Variants in ITIH5 observed in about 807,000 individuals in gnomAD.
The protein encoded by ITIH5 is inter-alpha-trypsin inhibitor heavy chain H5.
A neutral mutation model predicts 77.5 loss-of-function variants in ITIH5; 65 were observed. The observed-to-expected ratio is 0.84, with a 90% CI of 0.69 to 1.03. The LOEUF (loss-of-function observed/expected upper bound fraction) is 1.03. ITIH5 is among the 50% of genes least tolerant of loss of function. The pLI, the probability that ITIH5 is intolerant of heterozygous loss-of-function variation, is 0.00. For missense variants in ITIH5, 1,208 were observed against 1,213.1 expected (o/e 1.00, Z 0.06); for synonymous variants, 525 against 494.3 (o/e 1.06, Z -0.82).
At position 7,585,030 on chromosome 10, in the gene ITIH5, T is replaced by C. The variant is rs145739465; in HGVS notation, c.1108+871A>G. Reference sequence around the variant, plus strand: ...TGGGAAACCATGAATATAAGAAAGATGGAAAATCCCAGATGGGAGAAGACT... The same window carrying C: ...TGGGAAACCATGAATATAAGAAAGACGGAAAATCCCAGATGGGAGAAGACT... On this transcript the variant is annotated intron_variant, in intron 8 of 13. Coordinates refer to ENST00000397146, the MANE Select transcript of ITIH5 (RefSeq NM_030569.7). 2.0e-3 allele frequency among the ~76,000 whole-genome samples: 307 copies of C among 152,244 alleles called. 2 individuals carry two copies. Among genetic ancestry groups the C allele is most frequent in the Non-Finnish European group, 3.3e-3 (226 of 68,012 alleles).
intron 5 of ITIH5, among the ~76,000 whole-genome samples, chr10:7,629,230 C>T (rs377628914): frequency 0.01 from 350 of 34,584 alleles, no homozygotes; most frequent in Middle Eastern, 0.028. Flanking sequence ...GTAGCGTGTG[C>T]CCATGTTGTA....
At chr10:7,658,718 G>T (rs1409509465) in intron 1 of ITIH5, among the ~76,000 whole-genome samples, 1 of 152,180 alleles carries the variant, frequency 6.6e-6, no homozygotes, top group Non-Finnish European at 1.5e-5. Context: ...ATTGGCAACT[G>T]GTTGAAAGAG....
intron 11 of ITIH5, among the ~76,000 whole-genome samples, chr10:7,570,712 T>C (rs964601184): frequency 3.9e-5 from 6 of 152,170 alleles, no homozygotes; most frequent in African/African-American, 1.4e-4. Flanking sequence ...AGCCTCAAAC[T>C]CCTGGGCTCA....
intron 12 of ITIH5, among the ~76,000 whole-genome samples, chr10:7,567,319 T>TTATTA: frequency 7.2e-6 from 1 of 139,492 alleles, no homozygotes; most frequent in East Asian, 2.1e-4. Context: ...TCGGACATCT[T>TTATTA]TTATTATTAT....
Position 7,630,530 on chromosome 10 carries a change from G to A in ITIH5, c.652+6698C>T, listed in dbSNP as rs115762342. On this transcript the variant is annotated intron_variant, in intron 5 of 13. Coordinates refer to ENST00000397146, the MANE Select transcript of ITIH5 (RefSeq NM_030569.7). ...TGTTCCATTATAGCCATCCTAGGGTGTGAGAAGTGGTTTTGGTTTGCATTT... is the reference window on the plus strand; with the variant it reads ...TGTTCCATTATAGCCATCCTAGGGTATGAGAAGTGGTTTTGGTTTGCATTT... 2.1e-3 allele frequency among the ~76,000 whole-genome samples: 314 copies of A among 152,330 alleles called. 1 individual carries two copies. Among genetic ancestry groups the A allele is most frequent in the African/African-American group, 7.3e-3 (305 of 41,564 alleles).
Position 7,569,835 on chromosome 10 carries a change from C to T in ITIH5, c.2033-51G>A, listed in dbSNP as rs766023739. ...GAAAAAGAAAGACACTTATTCAGTACCTTCCTTGTGTAGGTGCTACTCTCT... is the reference window on the plus strand; with the variant it reads ...GAAAAAGAAAGACACTTATTCAGTATCTTCCTTGTGTAGGTGCTACTCTCT... On this transcript the variant is annotated intron_variant, in intron 11 of 13. Coordinates refer to ENST00000397146, the MANE Select transcript of ITIH5 (RefSeq NM_030569.7). 6.4e-6 allele frequency: 7 copies of T among 1,092,406 alleles called. No individual in the cohort carries two copies. In the Admixed American group the frequency reaches 1.2e-4, roughly 19 times the overall value. 67.7% of individuals were successfully genotyped at this position (1,092,406 alleles called of 1,614,324 possible).
chr10:7,629,196 CCTGTTGT>C, intron 5 of ITIH5, among the ~76,000 whole-genome samples: 1 of 133,232 alleles, frequency 7.5e-6, no homozygotes, highest in Non-Finnish European at 1.7e-5. Flanking sequence ...CACATGTGTC[CCTGTTGT>C]AGCGTGTGTC....
At chr10:7,579,268 A>G (rs773753194) in intron 9 of ITIH5, among the ~76,000 whole-genome samples, 2 of 152,210 alleles carry the variant, frequency 1.3e-5, no homozygotes, top group Non-Finnish European at 2.9e-5. Flanking sequence ...GCTCACGCCC[A>G]TAATCCCAGT....
intron 7 of ITIH5, among the ~76,000 whole-genome samples, chr10:7,613,553 AGAG>A (rs1389019159): frequency 6.6e-6 from 1 of 152,250 alleles, no homozygotes; most frequent in Non-Finnish European, 1.5e-5. Flanking sequence ...AAAACATCAC[AGAG>A]GAGATTTGAA....
rs1377527443 is a variant in ITIH5, at chr10:7,640,798, A to T, written c.357T>A (p.Gly119=). 1 of 1,613,300 alleles carries T rather than the reference A, an allele frequency of 6.2e-7. No individual in the cohort carries two copies. Among genetic ancestry groups the T allele is most frequent in the South Asian group, 1.1e-5 (1 of 91,050 alleles). The change falls in exon 4 of 14, where the codon GGT becomes GGA. Residue 119 remains glycine (G), a synonymous_variant. Transcript: ENST00000397146. ...TATTCCTTTTCTCTTTTACCCTATCACCACTCTTCTTTTCTCTCTCTGTAA... is the reference window on the plus strand; with the variant it reads ...TATTCCTTTTCTCTTTTACCCTATCTCCACTCTTCTTTTCTCTCTCTGTAA... ...GEITEREKKS[G]DRVKEKRNKT...
chr10:7,581,870 A>ATTTTT (rs34386089), intron 8 of ITIH5, among the ~76,000 whole-genome samples: 17 of 81,414 alleles, frequency 2.1e-4, no homozygotes, highest in Middle Eastern at 8.3e-3. Flanking sequence ...CCACCCATGT[A>ATTTTT]TTTTTTTTTT....
chr10:7,601,882 T>C (rs1833022743), intron 7 of ITIH5, among the ~76,000 whole-genome samples: 1 of 152,164 alleles, frequency 6.6e-6, no homozygotes, highest in South Asian at 2.1e-4. Context: ...AGATGCAGTC[T>C]CCCTCTGTCG....
chr10:7,586,305 C>T (rs905802646), intron 7 of ITIH5, among the ~76,000 whole-genome samples: 2 of 152,156 alleles, frequency 1.3e-5, no homozygotes, highest in Non-Finnish European at 2.9e-5. Flanking sequence ...CATCCCGCCA[C>T]GGTACTTCGG....
At chr10:7,652,020 C>T (rs1834109049) in intron 2 of ITIH5, among the ~76,000 whole-genome samples, 1 of 152,134 alleles carries the variant, frequency 6.6e-6, no homozygotes, top group African/African-American at 2.4e-5. Context: ...AAGCAGACAC[C>T]AAGACAGACC....
intron 7 of ITIH5, among the ~76,000 whole-genome samples, chr10:7,610,386 AT>A (rs1833220664): frequency 2.6e-5 from 4 of 152,106 alleles, no homozygotes; most frequent in Admixed American, 2.6e-4. Context: ...TACCGAGAAT[AT>A]TTTTTTAAGG....
intron 1 of ITIH5, among the ~76,000 whole-genome samples, chr10:7,660,213 A>G (rs898050698): frequency 1.3e-5 from 2 of 152,218 alleles, no homozygotes; most frequent in African/African-American, 4.8e-5. Flanking sequence ...CAATAGACAA[A>G]GTGAGTTTTA....
chr10:7,624,648 T>C (rs1426110508), intron 5 of ITIH5, among the ~76,000 whole-genome samples: 1 of 149,378 alleles, frequency 6.7e-6, no homozygotes, highest in African/African-American at 2.5e-5. Context: ...TGAAACCCTG[T>C]CTCTACTAAA....
chr10:7,624,857 G>GTATATGTA (rs1833544479), intron 5 of ITIH5, among the ~76,000 whole-genome samples: 1 of 56,098 alleles, frequency 1.8e-5, no homozygotes, highest in Non-Finnish European at 3.4e-5. Context: ...ATATATATGT[G>GTATATGTA]TATATATGTA....
intron 8 of ITIH5, among the ~76,000 whole-genome samples, 199 bp downstream of exon 8, chr10:7,585,702 C>A (rs1410320807): frequency 6.6e-6 from 1 of 152,032 alleles, no homozygotes; most frequent in African/African-American, 2.4e-5. Context: ...ACCAGCTTCA[C>A]TTGTAGACTG....
Sources: allele counts gnomAD v4.1 joint callset (sites outside exome capture counted in the v4.1 genomes callset), GRCh38; gene constraint gnomAD v4.1.1; transcripts MANE v1.5; gene names NCBI Gene and HGNC (gene_info 2026-07-23, HGNC 2026-07-21).